Variants in CDH23 observed in about 807,000 individuals in gnomAD.
CDH23 encodes the protein cadherin related 23.
CDH23 carries 189 observed loss-of-function variants against 317.1 expected under a neutral mutation model. The ratio of observed to expected loss-of-function variants is 0.60; its 90% confidence interval spans 0.53 to 0.67. CDH23 has a LOEUF of 0.67. Ranked by LOEUF, CDH23 falls within the 30% of genes least tolerant of loss-of-function variation. The pLI, the probability that CDH23 is intolerant of heterozygous loss-of-function variation, is 0.00. For synonymous variants in CDH23, 1,839 were observed against 1,876.8 expected, an observed-to-expected ratio of 0.98 and a Z score of 0.52; for missense variants, 4,401 against 4,592.4, an observed-to-expected ratio of 0.96 and a Z score of 1.20.
At position 71,695,108 on chromosome 10, in the gene CDH23, G is replaced by A. The variant is rs77400539; in HGVS notation, c.2290-310G>A. Among the ~76,000 whole-genome samples the A allele has an allele frequency of 9.6e-3, 1,465 of 152,352 alleles. 25 individuals are homozygous for A. Among genetic ancestry groups the A allele is most frequent in the African/African-American group, 0.033 (1,384 of 41,578 alleles). ...GGGATTCTATTAGATCCCCCACCCT[G>A]TCAGTCACCTTCAGCCAAGACTGGA... On this transcript the variant is annotated intron_variant, in intron 21 of 69. Coordinates refer to ENST00000224721, the MANE Select transcript of CDH23 (RefSeq NM_022124.6).
chr10:71,689,604 C>T (rs553195359), intron 19 of CDH23, among the ~76,000 whole-genome samples: 43 of 152,322 alleles, frequency 2.8e-4, no homozygotes, highest in African/African-American at 8.4e-4. Flanking sequence ...CTGATTCATC[C>T]GCTGGATGGT....
intron 6 of CDH23, among the ~76,000 whole-genome samples, chr10:71,554,479 T>A (rs1856774411): frequency 6.6e-6 from 1 of 151,942 alleles, no homozygotes; most frequent in African/African-American, 2.4e-5. Context: ...CTTTTTCTTA[T>A]TTAAAAAAAA....
intron 38 of CDH23, among the ~76,000 whole-genome samples, chr10:71,746,878 C>T (rs183467986): frequency 3.3e-5 from 5 of 152,338 alleles, no homozygotes; most frequent in South Asian, 4.1e-4. Flanking sequence ...TCCCCAGCAG[C>T]GGCCCCGTGA....
intron 6 of CDH23, chr10:71,511,944 C>A (rs1461548529): frequency 6.6e-6 from 1 of 152,508 alleles, no homozygotes; most frequent in African/African-American, 2.4e-5. Context: ...GTCCCTCGGG[C>A]CTGCCCTCGG....
At position 71,734,358 on chromosome 10, in the gene CDH23, TGA is replaced by T. The variant is rs1839492201; in HGVS notation, c.4206+21_4206+22del. 6.3e-7 allele frequency: 1 copy of T among 1,593,338 alleles called. No individual in the cohort carries two copies. The highest frequency in any genetic ancestry group is 2.3e-5 in the East Asian group (1 of 44,008). On this transcript the variant is annotated intron_variant, in intron 33 of 69. Coordinates refer to ENST00000224721, the MANE Select transcript of CDH23 (RefSeq NM_022124.6). ...TCCACCGTGGTGAGTGGGACCAGGG[TGA>T]GAGTCCCTCAGGTGCGGCCCATCGC...
chr10:71,689,756 A>G (rs1453243706), intron 19 of CDH23, among the ~76,000 whole-genome samples: 1 of 152,212 alleles, frequency 6.6e-6, no homozygotes, highest in Non-Finnish European at 1.5e-5. Context: ...AGTGATGCTC[A>G]GGCAGGTGAA....
intron 9 of CDH23, among the ~76,000 whole-genome samples, chr10:71,582,158 CTTTA>C (rs1858683529): frequency 6.6e-6 from 1 of 152,214 alleles, no homozygotes; most frequent in Admixed American, 6.5e-5. Context: ...TCATTTCCTC[CTTTA>C]TTTGTTTGAG....
chr10:71,658,221 G>A (rs1863499033), intron 14 of CDH23, among the ~76,000 whole-genome samples: 1 of 152,166 alleles, frequency 6.6e-6, no homozygotes. Context: ...TAAATGGCGT[G>A]GAGTGAGAGG....
chr10:71,414,150 T>C (rs944042101), intron 1 of CDH23, among the ~76,000 whole-genome samples: 2 of 152,004 alleles, frequency 1.3e-5, no homozygotes, highest in African/African-American at 4.8e-5. Flanking sequence ...TACTTCTTCC[T>C]TTCCAATTTG....
At chr10:71,412,549 G>A (rs1008892470) in intron 1 of CDH23, among the ~76,000 whole-genome samples, 1 of 152,144 alleles carries the variant, frequency 6.6e-6, no homozygotes, top group Non-Finnish European at 1.5e-5. Context: ...CTAAACTGTA[G>A]TGCACAGTTC....
intron 13 of CDH23, among the ~76,000 whole-genome samples, chr10:71,646,234 T>C (rs1428636378): frequency 6.6e-6 from 1 of 152,154 alleles, no homozygotes; most frequent in Non-Finnish European, 1.5e-5. Flanking sequence ...GCAACCCATC[T>C]CCTGCCAGAT....
intron 6 of CDH23, among the ~76,000 whole-genome samples, chr10:71,550,922 C>A (rs1021304848): frequency 5.3e-5 from 8 of 152,314 alleles, no homozygotes; most frequent in Admixed American, 5.2e-4. Flanking sequence ...CCCTCCACCA[C>A]CAGAGCCAGC....
At chr10:71,515,590 T>C (rs1192569465) in intron 6 of CDH23, among the ~76,000 whole-genome samples, 3 of 152,084 alleles carry the variant, frequency 2.0e-5, no homozygotes, top group African/African-American at 7.2e-5. Context: ...GTCCAGGGAT[T>C]CTGAGCTGAC....
chr10:71,539,989 C>G (rs1289768926), intron 6 of CDH23, among the ~76,000 whole-genome samples: 1 of 152,222 alleles, frequency 6.6e-6, no homozygotes, highest in Non-Finnish European at 1.5e-5. Context: ...GGCTTCAGAA[C>G]ACTTTCTTTG....
chr10:71,448,509 G>A (rs1399253642), intron 3 of CDH23, among the ~76,000 whole-genome samples: 4 of 152,206 alleles, frequency 2.6e-5, no homozygotes, highest in South Asian at 2.1e-4. Flanking sequence ...CTCTAGGCAG[G>A]GGGTGGGTGC....
At chr10:71,596,437 C>T (rs1485510766) in intron 9 of CDH23, among the ~76,000 whole-genome samples, 1 of 152,182 alleles carries the variant, frequency 6.6e-6, no homozygotes, top group Admixed American at 6.5e-5. Context: ...ATGGTCATGA[C>T]AACCCTGTCA....
At chr10:71,661,050 T>A (rs1428550846) in intron 14 of CDH23, among the ~76,000 whole-genome samples, 1 of 152,198 alleles carries the variant, frequency 6.6e-6, no homozygotes, top group African/African-American at 2.4e-5. Context: ...TAGCTCTGTG[T>A]CAGACCACAC....
chr10:71,803,522 T>C (rs1045647764), intron 55 of CDH23, 102 bp downstream of exon 55: 27 of 1,063,798 alleles, frequency 2.5e-5, no homozygotes, highest in Non-Finnish European at 3.1e-5. Context: ...GAAACTTGGC[T>C]TCAGGAAAGT....
At chr10:71,739,379 A>G (rs573068296) in intron 35 of CDH23, among the ~76,000 whole-genome samples, 50 of 152,270 alleles carry the variant, frequency 3.3e-4, no homozygotes, top group Non-Finnish European at 6.6e-4. Flanking sequence ...CGTCAGTGCC[A>G]TGGGACTCAA....
Sources: gnomAD v4.1 joint callset for allele counts (sites outside exome capture counted in the v4.1 genomes callset) on GRCh38, gnomAD v4.1.1 for gene constraint, MANE v1.5 for transcripts, NCBI Gene and HGNC (gene_info 2026-07-23, HGNC 2026-07-21) for gene names.